The following DGKH variants were observed in gnomAD, a reference collection of about 807,000 sequenced individuals.
DGKH encodes the protein DAG kinase eta.
In DGKH, 90 loss-of-function variants were observed where a neutral mutation model predicts 159.3. The ratio of observed to expected loss-of-function variants is 0.57; its 90% CI spans 0.48 to 0.67. DGKH has a LOEUF of 0.67. Among genes scored for constraint, DGKH ranks in the 30% least tolerant of loss-of-function variants. The pLI is 0.00. For missense variants in DGKH, 1,181 were observed against 1,506.1 expected (o/e 0.78, Z 3.57); for synonymous variants, 536 against 553.8 (o/e 0.97, Z 0.45).
chr13:42,166,566 T>C lies in DGKH; in HGVS notation c.1010T>C (p.Val337Ala). The change falls in exon 9 of 30, where the codon GTC becomes GCC. Residue 337 changes from valine (V) to alanine (A), a missense_variant. Val to Ala is a moderately conservative substitution (Grantham distance 64). Transcript: ENST00000337343. Reference protein sequence around the residue: ...SFCVSPLLVFVNSKSGDNQGV... With the variant: ...SFCVSPLLVFANSKSGDNQGV... Reference sequence around the variant, plus strand: ...TGTGTTAGTCCTCTATTGGTTTTTGTCAATTCTAAGAGTGGAGATAATCAG... The same window carrying C: ...TGTGTTAGTCCTCTATTGGTTTTTGCCAATTCTAAGAGTGGAGATAATCAG... 1 of 1,600,540 alleles carries C rather than the reference T, an allele frequency of 6.2e-7. No individual in the cohort carries two copies. Among genetic ancestry groups the C allele is most frequent in the Non-Finnish European group, 8.5e-7 (1 of 1,173,940 alleles).
rs1270717512 is a variant in DGKH at position 42,231,375 on chromosome 13, T to G, written c.*2187T>G. 1 of 152,022 alleles carries G rather than the reference T, an allele frequency of 6.6e-6. No individual in the cohort carries two copies. Among genetic ancestry groups the G allele is most frequent in the African/African-American group, 2.4e-5 (1 of 41,344 alleles). The allele number at this position is 152,022 out of a possible 1,614,324, so 9.4% of individuals were successfully genotyped here. Reference sequence around the variant, plus strand: ...CCATCTCAATCTCAAAAAAAAATAGTCATGAATTATGCAATTATTCTAATT... The same window carrying G: ...CCATCTCAATCTCAAAAAAAAATAGGCATGAATTATGCAATTATTCTAATT... On this transcript the variant is annotated 3_prime_UTR_variant, in exon 30 of 30. Transcript: ENST00000337343.
intron 1 of DGKH, among the ~76,000 whole-genome samples, chr13:42,079,707 G>A (rs1954165452): frequency 1.3e-5 from 2 of 151,992 alleles, no homozygotes; most frequent in Admixed American, 1.3e-4. Flanking sequence ...TGATCATGTC[G>A]ACCTTTTGTT....
chr13:42,206,113 C>A lies in DGKH; in HGVS notation c.2568C>A (p.Gly856=). ...AVLNIPSYAG[G]TNFWGGTKED... ...TGAACATTCCCAGCTATGCTGGAGG[C>A]ACTAACTTTTGGGGTGGAACTAAAG... The change falls in exon 21 of 30, where the codon GGC becomes GGA. Residue 856 remains glycine, a synonymous_variant. Transcript: ENST00000337343. 6.9e-7 allele frequency: 1 copy of A among 1,455,052 alleles called. No individual in the cohort carries two copies. The highest frequency in any genetic ancestry group is 9.1e-7 in the Non-Finnish European group (1 of 1,095,432). The allele number at this position is 1,455,052 out of a possible 1,614,324, so 90.1% of individuals were successfully genotyped here. A position where few individuals can be genotyped will look rare whatever the true frequency, so the allele number is the denominator to read the frequency against.
At chr13:42,098,675 T>G (rs1299397659) in intron 1 of DGKH, among the ~76,000 whole-genome samples, 3 of 152,206 alleles carry the variant, frequency 2.0e-5, no homozygotes, top group Non-Finnish European at 4.4e-5. Flanking sequence ...ATCTAAATGA[T>G]GCAGTGAATA....
Position 42,160,073 on chromosome 13 carries a change from C to G in DGKH, c.792C>G (p.Cys264Trp). The change falls in exon 7 of 30, where the codon TGC (cysteine) becomes TGG (tryptophan). Residue 264 changes from cysteine to tryptophan, a missense_variant. Around this residue, in one of 5 missense-constraint regions of DGKH, gnomAD observed 369 missense variants for 519.4 expected, o/e 0.71. Transcript: ENST00000337343. ...CTGTAAGTGCCAAGTGTGCTGTCTG[C>G]GACAAAACATGTGGCAGTGTTCTCC... ...NLPVSAKCAV[C>W]DKTCGSVLRL... 6.2e-7 allele frequency: 1 copy of G among 1,614,204 alleles called. No individual in the cohort carries two copies. The highest frequency in any genetic ancestry group is 2.2e-5 in the East Asian group (1 of 44,880).
intron 13 of DGKH, among the ~76,000 whole-genome samples, chr13:42,184,888 TAA>T (rs66713217): frequency 1.1e-4 from 15 of 137,880 alleles, no homozygotes; most frequent in African/African-American, 1.8e-4. Context: ...TTTTTTTTTT[TAA>T]AAAAAAAGTT....
chr13:42,217,527 GC>G, intron 26 of DGKH, among the ~76,000 whole-genome samples: 1 of 151,852 alleles, frequency 6.6e-6, no homozygotes, highest in South Asian at 2.1e-4. Flanking sequence ...ACAGGCATGA[GC>G]CACTGCGCCC....
chr13:42,111,616 T>C (rs1954864520), intron 1 of DGKH, among the ~76,000 whole-genome samples: 1 of 152,230 alleles, frequency 6.6e-6, no homozygotes, highest in African/African-American at 2.4e-5. Flanking sequence ...TATTTTGCTT[T>C]AGAATGCATA....
chr13:42,118,733 A>G (rs1393872562), intron 1 of DGKH, among the ~76,000 whole-genome samples: 1 of 152,230 alleles, frequency 6.6e-6, no homozygotes, highest in Non-Finnish European at 1.5e-5. Context: ...TAGGAGGGGT[A>G]GGCCACGCAT....
intron 1 of DGKH, among the ~76,000 whole-genome samples, chr13:42,059,588 A>G (rs1241059546): frequency 6.6e-6 from 1 of 152,136 alleles, no homozygotes; most frequent in East Asian, 1.9e-4. Context: ...ATAAGAATGA[A>G]TGACCACTTG....
chr13:42,155,249 C>T, intron 3 of DGKH, 42 bp from the exon 4 acceptor site: 1 of 1,459,770 alleles, frequency 6.9e-7, no homozygotes, highest in Non-Finnish European at 9.3e-7. Flanking sequence ...CAATCTTTCT[C>T]TTTGGGTATT....
At chr13:42,184,929 A>T (rs1287343383) in intron 13 of DGKH, among the ~76,000 whole-genome samples, 3 of 151,778 alleles carry the variant, frequency 2.0e-5, no homozygotes, top group Admixed American at 6.6e-5. Flanking sequence ...ATAATTAGGA[A>T]TTTAGAATTT....
At chr13:42,046,791 G>C (rs531329995), upstream of DGKH, among the ~76,000 whole-genome samples, 30 of 152,336 alleles carry the variant, frequency 2.0e-4, no homozygotes, top group Middle Eastern at 6.8e-3. Flanking sequence ...GTGTGATAAA[G>C]TGAATAGAAC....
chr13:42,063,041 G>C (rs1005486944), intron 1 of DGKH, among the ~76,000 whole-genome samples: 1 of 152,070 alleles, frequency 6.6e-6, no homozygotes, highest in African/African-American at 2.4e-5. Flanking sequence ...GTTCTTTGGA[G>C]CTTTATGAGT....
intron 1 of DGKH, among the ~76,000 whole-genome samples, 198 bp downstream of exon 1, chr13:42,049,163 GCC>G (rs1881053167): frequency 1.4e-5 from 2 of 142,268 alleles, no homozygotes; most frequent in Admixed American, 6.9e-5. Context: ...GCGGGGCGGG[GCC>G]TGGGGCGCGG....
At chr13:42,095,133 A>T (rs1954496862) in intron 1 of DGKH, among the ~76,000 whole-genome samples, 1 of 147,406 alleles carries the variant, frequency 6.8e-6, no homozygotes. Flanking sequence ...TAGATATAGC[A>T]GCCGCTCAAT....
At chr13:42,070,029 C>G in intron 1 of DGKH, 1 of 890,010 alleles carries the variant, frequency 1.1e-6, no homozygotes, top group African/African-American at 1.6e-5. Context: ...AGTACCTTTC[C>G]CAGTTATAAA....
Position 42,195,021 on chromosome 13 carries a change from TAC to T in DGKH, c.2167+7_2167+8del. On this transcript the variant is annotated splice_donor_region_variant and intron_variant, in intron 17 of 29. Coordinates refer to ENST00000337343, the MANE Select transcript of DGKH (RefSeq NM_178009.5). ...ATACCAGAATAATCTGCCCAGGTAG[TAC>T]AGATTCTGAAACATCGTGTATTTTT... The T allele has an allele frequency of 6.2e-7, 1 of 1,609,798 alleles. No individual in the cohort carries two copies.
In DGKH at chr13:42,231,384, A is replaced by G. The variant is rs993226328; in HGVS notation, c.*2196A>G. On this transcript the variant is annotated 3_prime_UTR_variant, in exon 30 of 30. Coordinates refer to ENST00000337343, the MANE Select transcript of DGKH (RefSeq NM_178009.5). Reference sequence around the variant, plus strand: ...TCTCAAAAAAAAATAGTCATGAATTATGCAATTATTCTAATTGTATCTGCA... The same window carrying G: ...TCTCAAAAAAAAATAGTCATGAATTGTGCAATTATTCTAATTGTATCTGCA... 3 of 152,152 alleles carry G rather than the reference A, an allele frequency of 2.0e-5. No individual in the cohort carries two copies. The highest frequency in any genetic ancestry group is 7.2e-5 in the African/African-American group (3 of 41,430). 9.4% of individuals were successfully genotyped at this position (152,152 alleles called of 1,614,324 possible).
Sources: gnomAD v4.1 joint callset for allele counts (sites outside exome capture counted in the v4.1 genomes callset) on GRCh38, gnomAD v4.1.1 for gene constraint, gnomAD v4.1.1 regional missense constraint, MANE v1.5 for transcripts, NCBI Gene and HGNC (gene_info 2026-07-23, HGNC 2026-07-21) for gene names.